RDH12: variants seen among roughly 807,000 people sequenced by gnomAD.
RDH12 encodes all-trans and 9-cis retinol dehydrogenase.
Under a neutral mutation model 34.0 loss-of-function variants are expected in RDH12, and 21 were observed. The ratio of observed to expected loss-of-function variants is 0.62; its 90% confidence interval spans 0.44 to 0.89. The LOEUF (loss-of-function observed/expected upper bound fraction) is 0.89, where lower values mean the gene tolerates loss of function less well. Ranked by LOEUF, RDH12 falls within the 40% of genes least tolerant of loss-of-function variation. The pLI is 0.00. For synonymous variants in RDH12, 198 were observed against 169.9 expected (o/e 1.17, Z -1.29); for missense variants, 394 against 398.6 (o/e 0.99, Z 0.10).
chr14:67,723,559 G>C (rs1040849142), intron 3 of RDH12, among the ~76,000 whole-genome samples: 2 of 152,140 alleles, frequency 1.3e-5, no homozygotes, highest in African/African-American at 2.4e-5. Flanking sequence ...TGATAAAGGA[G>C]GTTAAATGGA....
intron 4 of RDH12, 45 bp downstream of exon 4, chr14:67,724,636 C>A: frequency 7.3e-7 from 1 of 1,362,134 alleles, no homozygotes; most frequent in South Asian, 1.2e-5. Flanking sequence ...GCCTCCCACC[C>A]TTCTTCCCAC....
intron 1 of RDH12, among the ~76,000 whole-genome samples, chr14:67,720,344 C>G (rs566540591): frequency 6.6e-6 from 1 of 152,062 alleles, no homozygotes; most frequent in Non-Finnish European, 1.5e-5. Context: ...TTTATCTTGC[C>G]TTGTGTATGA....
chr14:67,719,666 C>CG (rs2056578631), intron 1 of RDH12, among the ~76,000 whole-genome samples: 1 of 151,776 alleles, frequency 6.6e-6, no homozygotes, highest in Non-Finnish European at 1.5e-5. Flanking sequence ...TTTGTAGAGA[C>CG]GGGGTCTCAC....
At chr14:67,732,126 CAAAAAAAAAA>C (rs71129854) in intron 8 of RDH12, among the ~76,000 whole-genome samples, 4 of 77,528 alleles carry the variant, frequency 5.2e-5, no homozygotes, top group South Asian at 3.8e-4. Context: ...GACTCTGTCT[CAAAAAAAAAA>C]AAAAAAAAAA....
intron 8 of RDH12, among the ~76,000 whole-genome samples, chr14:67,732,282 C>A (rs534228576): frequency 1.5e-4 from 22 of 151,368 alleles, no homozygotes; most frequent in South Asian, 4.2e-4. Flanking sequence ...TACTAAAAAT[C>A]AAAAAATTAG....
intron 7 of RDH12, 96 bp from the exon 8 acceptor site, chr14:67,729,095 T>C: frequency 8.0e-7 from 1 of 1,251,548 alleles, no homozygotes; most frequent in African/African-American, 1.5e-5. Flanking sequence ...GTTTCCTGAG[T>C]CCCTCCTTCT....
intron 3 of RDH12, among the ~76,000 whole-genome samples, chr14:67,724,029 C>A (rs879731380): frequency 3.3e-5 from 5 of 152,204 alleles, no homozygotes; most frequent in Non-Finnish European, 5.9e-5. Context: ...GTGTGTGCCA[C>A]CCCCCACAGA....
chr14:67,704,375 G>T (rs547859210), intron 1 of RDH12, among the ~76,000 whole-genome samples: 1 of 152,248 alleles, frequency 6.6e-6, no homozygotes, highest in South Asian at 2.1e-4. Context: ...TTAGAAGCTT[G>T]TAGGTGTTAT....
At chr14:67,705,523 A>G (rs2037941500) in intron 1 of RDH12, among the ~76,000 whole-genome samples, 3 of 152,248 alleles carry the variant, frequency 2.0e-5, no homozygotes, top group African/African-American at 7.2e-5. Flanking sequence ...CCTGTAGGTT[A>G]TCACAACTAA....
chr14:67,725,018 C>T, intron 4 of RDH12, 81 bp from the exon 5 acceptor site: 1 of 1,469,578 alleles, frequency 6.8e-7, no homozygotes, highest in East Asian at 2.3e-5. Flanking sequence ...ATGCTCTGTC[C>T]CCCAGTCCCA....
At position 67,722,550 on chromosome 14, in the gene RDH12, C is replaced by A; in HGVS notation, c.-93C>A. ...AGGAGCAGAGAAGCAGCAGAAGCAGCCAAGAGCTGGAGCCAGACCAGGAAC... is the reference window on the plus strand; with the variant it reads ...AGGAGCAGAGAAGCAGCAGAAGCAGACAAGAGCTGGAGCCAGACCAGGAAC... On this transcript the variant is annotated 5_prime_UTR_variant, in exon 3 of 9. Coordinates refer to ENST00000551171, the MANE Select transcript of RDH12 (RefSeq NM_152443.3). 1 of 1,054,940 alleles carries A rather than the reference C, an allele frequency of 9.5e-7. No homozygotes were observed. Among genetic ancestry groups the A allele is most frequent in the Non-Finnish European group, 1.5e-6 (1 of 670,086 alleles). The allele number at this position is 1,054,940 out of a possible 1,614,324, so 65.3% of individuals were successfully genotyped here.
In RDH12 at chr14:67,704,577, T is replaced by C. The variant is rs570273955; in HGVS notation, c.-275+2642T>C. ...GTGGAAGGATGGTAAGTATTATACC[T>C]AAAACTCAGCAGGTGTCTTAGAGTG... On this transcript the variant is annotated intron_variant, in intron 1 of 8. Transcript: ENST00000551171. Among the ~76,000 whole-genome samples, 6 of 152,320 alleles carry C rather than the reference T, an allele frequency of 3.9e-5. No individual in the cohort carries two copies. In the East Asian group the frequency reaches 7.7e-4, roughly 20 times the overall value.
intron 6 of RDH12, 146 bp downstream of exon 6, chr14:67,726,301 C>T: frequency 1.4e-6 from 1 of 701,638 alleles, no homozygotes; most frequent in Non-Finnish European, 2.6e-6. Context: ...TTGTTGTTCA[C>T]TGTACCTCTC....
chr14:67,729,590 A>T, intron 8 of RDH12: 1 of 642,750 alleles, frequency 1.6e-6, no homozygotes, highest in Non-Finnish European at 2.8e-6. Context: ...GCTTTATTTT[A>T]TACTCGTGTG....
intron 1 of RDH12, among the ~76,000 whole-genome samples, chr14:67,712,491 T>G (rs2038019498): frequency 8.1e-5 from 2 of 24,822 alleles, no homozygotes; most frequent in Admixed American, 5.7e-4. Flanking sequence ...AGAAAAAACT[T>G]GCAAAAAAAA....
At chr14:67,729,061 G>T in intron 7 of RDH12, 130 bp from the exon 8 acceptor site, 1 of 923,722 alleles carries the variant, frequency 1.1e-6, no homozygotes, top group Non-Finnish European at 1.8e-6. Context: ...GCCAGGAGTG[G>T]TACCTGCTGA....
chr14:67,718,032 G>A (rs2038086063), intron 1 of RDH12: 1 of 152,136 alleles, frequency 6.6e-6, no homozygotes, highest in African/African-American at 2.4e-5. Flanking sequence ...GTTTATTTTA[G>A]CTTTTAAAAT....
At chr14:67,714,301 AT>A (rs931212419) in intron 1 of RDH12, among the ~76,000 whole-genome samples, 6 of 150,108 alleles carry the variant, frequency 4.0e-5, no homozygotes, top group African/African-American at 1.5e-4. Flanking sequence ...TGGCCAGCTA[AT>A]TTTTTTTTCA....
intron 6 of RDH12, among the ~76,000 whole-genome samples, chr14:67,726,519 G>C (rs1480708865): frequency 6.6e-6 from 1 of 152,174 alleles, no homozygotes; most frequent in Non-Finnish European, 1.5e-5. Flanking sequence ...CCATGGGTTG[G>C]TCCACGGAGG....
Sources: gnomAD v4.1 joint callset for allele counts (sites outside exome capture counted in the v4.1 genomes callset) on GRCh38, gnomAD v4.1.1 for gene constraint, MANE v1.5 for transcripts, NCBI Gene and HGNC (gene_info 2026-07-23, HGNC 2026-07-21) for gene names.